The following HS3ST4 variants were observed in gnomAD, a reference collection of about 807,000 sequenced individuals.
The protein encoded by HS3ST4 is heparan sulfate-glucosamine 3-sulfotransferase 4, also known as heparan sulfate glucosamine 3-O-sulfotransferase 4.
HS3ST4 carries 17 observed loss-of-function variants against 29.2 expected under a neutral mutation model. That is an observed-to-expected ratio of 0.58 (90% CI 0.40 to 0.87). The LOEUF (loss-of-function observed/expected upper bound fraction) is 0.87, where lower values mean the gene tolerates loss of function less well. HS3ST4 is among the 40% of genes least tolerant of loss of function. The pLI is 0.00. For missense variants in HS3ST4, 627 were observed against 634.5 expected (o/e 0.99, Z 0.13); for synonymous variants, 314 against 285.7 (o/e 1.10, Z -1.00).
chr16:25,701,767 TCA>T (rs1408623095), intron 1 of HS3ST4, among the ~76,000 whole-genome samples: 2 of 152,230 alleles, frequency 1.3e-5, no homozygotes, highest in African/African-American at 2.4e-5. Context: ...CTGAAAGAAC[TCA>T]CAGAGTGGAG....
In HS3ST4 at chr16:25,692,178, G is replaced by C. The variant is rs1472071456; in HGVS notation, c.-240G>C. On this transcript the variant is annotated 5_prime_UTR_variant, in exon 1 of 2. Transcript: ENST00000331351. Reference sequence around the variant, plus strand: ...CTGAGGGGGGGGCGGTGGTGGGGGGGCCACCCGGACTCGGCGGGCAGCGTG... The same window carrying C: ...CTGAGGGGGGGGCGGTGGTGGGGGGCCCACCCGGACTCGGCGGGCAGCGTG... 1 of 149,190 alleles carries C rather than the reference G, an allele frequency of 6.7e-6. No individual in the cohort carries two copies. The highest frequency in any genetic ancestry group is 1.5e-5 in the Non-Finnish European group (1 of 66,786). The allele number at this position is 149,190 out of a possible 1,614,324, so 9.2% of individuals were successfully genotyped here.
intron 1 of HS3ST4, among the ~76,000 whole-genome samples, chr16:25,708,924 A>AT (rs1231451353): frequency 1.3e-5 from 2 of 152,122 alleles, no homozygotes; most frequent in Non-Finnish European, 2.9e-5. Flanking sequence ...AAGGATAATC[A>AT]TTTTCAGTGG....
intron 1 of HS3ST4, among the ~76,000 whole-genome samples, chr16:26,123,258 C>T (rs1221154385): frequency 6.6e-6 from 1 of 152,056 alleles, no homozygotes; most frequent in Non-Finnish European, 1.5e-5. Context: ...TGACAGAGGA[C>T]AAAACTGAGG....
chr16:25,965,133 G>T, intron 1 of HS3ST4, among the ~76,000 whole-genome samples: 1 of 152,094 alleles, frequency 6.6e-6, no homozygotes, highest in Non-Finnish European at 1.5e-5. Context: ...AAGAAAAGGA[G>T]CTCGGGAGGT....
intron 1 of HS3ST4, among the ~76,000 whole-genome samples, chr16:25,828,279 TCTTTCTTTCTTTCTTTCTTTCC>T (rs1967248645): frequency 1.1e-5 from 1 of 95,078 alleles, no homozygotes; most frequent in Non-Finnish European, 2.1e-5. Context: ...TTTCTTTCTT[TCTTTCTTTCTTTCTTTCTTTCC>T]CTCTCTCTCT....
chr16:25,937,536 G>C (rs1968528646), intron 1 of HS3ST4, among the ~76,000 whole-genome samples: 1 of 152,194 alleles, frequency 6.6e-6, no homozygotes, highest in East Asian at 1.9e-4. Flanking sequence ...GCTCAGAAGT[G>C]TAGGAAAGCC....
intron 1 of HS3ST4, among the ~76,000 whole-genome samples, chr16:25,757,577 A>G (rs1487055907): frequency 6.7e-6 from 1 of 148,570 alleles, no homozygotes; most frequent in Non-Finnish European, 1.5e-5. Flanking sequence ...TATATAATAT[A>G]GTAATATATT....
chr16:25,872,703 G>C (rs1012602470), intron 1 of HS3ST4, among the ~76,000 whole-genome samples: 1 of 152,130 alleles, frequency 6.6e-6, no homozygotes, highest in East Asian at 1.9e-4. Context: ...ATGCACCATC[G>C]ACCAAAGCAA....
intron 1 of HS3ST4, among the ~76,000 whole-genome samples, chr16:25,836,224 T>G (rs1967355004): frequency 6.6e-6 from 1 of 152,134 alleles, no homozygotes; most frequent in Non-Finnish European, 1.5e-5. Flanking sequence ...GTGCCTTCTG[T>G]CTTCTTTTGG....
At chr16:25,904,664 A>G (rs1968162301) in intron 1 of HS3ST4, among the ~76,000 whole-genome samples, 1 of 152,184 alleles carries the variant, frequency 6.6e-6, no homozygotes, top group African/African-American at 2.4e-5. Flanking sequence ...ATAGCTTGGT[A>G]ATCAAGAGAA....
chr16:25,726,425 G>A lies in HS3ST4; in HGVS notation c.734+33274G>A, dbSNP rs948898381. On this transcript the variant is annotated intron_variant, in intron 1 of 1. Coordinates refer to ENST00000331351, the MANE Select transcript of HS3ST4 (RefSeq NM_006040.3). The stretch of plus-strand genomic sequence containing the variant: ...TTTTCTAGTCCTAAAACATTGCAGT[G>A]AACAAATGGGTATGAAACACACACA... Among the ~76,000 whole-genome samples, 25 of 152,134 alleles carry A rather than the reference G, an allele frequency of 1.6e-4. No homozygotes were observed. In the East Asian group the frequency reaches 2.5e-3, roughly 15 times the overall value.
chr16:25,774,000 C>G (rs1443747983), intron 1 of HS3ST4, among the ~76,000 whole-genome samples: 3 of 152,126 alleles, frequency 2.0e-5, no homozygotes, highest in Non-Finnish European at 4.4e-5. Flanking sequence ...ATTGTCATTC[C>G]AAATGTCTGT....
chr16:26,006,300 GAA>G (rs11461863), intron 1 of HS3ST4, among the ~76,000 whole-genome samples: 3,140 of 68,500 alleles, frequency 0.046, 25 homozygotes, highest in Middle Eastern at 0.11. Flanking sequence ...CTCTGTTTCA[GAA>G]AAAAAAAAAA....
chr16:26,131,361 C>G (rs538919783), intron 1 of HS3ST4, among the ~76,000 whole-genome samples: 2 of 152,312 alleles, frequency 1.3e-5, no homozygotes, highest in Non-Finnish European at 2.9e-5. Context: ...GAAAACAATT[C>G]CAGTACCTTT....
At chr16:25,773,483 A>G (rs2141611880) in intron 1 of HS3ST4, among the ~76,000 whole-genome samples, 1 of 152,284 alleles carries the variant, frequency 6.6e-6, no homozygotes. Context: ...CAGGGGTTGT[A>G]CCTCATAAAC....
At chr16:26,086,962 C>T (rs1325429128) in intron 1 of HS3ST4, among the ~76,000 whole-genome samples, 1 of 152,202 alleles carries the variant, frequency 6.6e-6, no homozygotes, top group East Asian at 1.9e-4. Flanking sequence ...TTCTCTTCTC[C>T]TCCACTTCTC....
chr16:25,939,762 T>C (rs1487115933), intron 1 of HS3ST4, among the ~76,000 whole-genome samples: 5 of 152,274 alleles, frequency 3.3e-5, no homozygotes, highest in African/African-American at 4.8e-5. Flanking sequence ...CTCAGTGCCA[T>C]TTTAAAACGT....
chr16:25,806,219 A>G (rs1482765470), intron 1 of HS3ST4, among the ~76,000 whole-genome samples: 2 of 152,166 alleles, frequency 1.3e-5, no homozygotes, highest in Non-Finnish European at 2.9e-5. Context: ...CTCTCAGAGT[A>G]TTGGTAAGTA....
intron 1 of HS3ST4, among the ~76,000 whole-genome samples, chr16:26,003,864 C>T (rs911583879): frequency 2.0e-5 from 3 of 152,090 alleles, no homozygotes; most frequent in African/African-American, 7.2e-5. Flanking sequence ...ATGCCATGTG[C>T]CTACCCCTGT....
Sources: gnomAD v4.1 joint callset for allele counts (sites outside exome capture counted in the v4.1 genomes callset) on GRCh38, gnomAD v4.1.1 for gene constraint, MANE v1.5 for transcripts, NCBI Gene and HGNC (gene_info 2026-07-23, HGNC 2026-07-21) for gene names.